PLCB1: variants seen among roughly 807,000 people sequenced by gnomAD.
PLCB1 encodes 1-phosphatidylinositol 4,5-bisphosphate phosphodiesterase beta-1.
In PLCB1, 46 loss-of-function variants were observed where a neutral mutation model predicts 161.8. The observed-to-expected ratio is 0.28, with a 90% CI of 0.22 to 0.36. PLCB1 has a LOEUF of 0.36. Among genes scored for constraint, PLCB1 ranks in the 10% least tolerant of loss-of-function variants. PLCB1 has a pLI of 1.00. For missense variants in PLCB1, 1,016 were observed against 1,472.5 expected (o/e 0.69, Z 5.07); for synonymous variants, 517 against 503.7 (o/e 1.03, Z -0.35).
chr20:8,445,591 T>A (rs1181465842), intron 3 of PLCB1, among the ~76,000 whole-genome samples: 2 of 152,170 alleles, frequency 1.3e-5, no homozygotes, highest in Non-Finnish European at 1.5e-5. Flanking sequence ...AAGAAAGTCA[T>A]TGGTAGCTTT....
chr20:8,444,244 GT>G (rs1382944637), intron 3 of PLCB1, among the ~76,000 whole-genome samples: 2 of 149,146 alleles, frequency 1.3e-5, no homozygotes, highest in African/African-American at 5.0e-5. Context: ...CTGTCTCCAA[GT>G]TTTCTCATTG....
chr20:8,289,894 T>A (rs552879639), intron 2 of PLCB1, among the ~76,000 whole-genome samples: 2 of 152,342 alleles, frequency 1.3e-5, no homozygotes, highest in East Asian at 3.9e-4. Context: ...TGAGTGCCAG[T>A]GCCTAATAGA....
intron 2 of PLCB1, among the ~76,000 whole-genome samples, chr20:8,229,767 T>C (rs1486214388): frequency 6.8e-6 from 1 of 146,862 alleles, no homozygotes; most frequent in Non-Finnish European, 1.5e-5. Context: ...ATACCTGTAA[T>C]CCCAGTACTT....
At chr20:8,444,663 C>CTAGTAATGTA (rs1445496784) in intron 3 of PLCB1, among the ~76,000 whole-genome samples, 1 of 152,180 alleles carries the variant, frequency 6.6e-6, no homozygotes, top group East Asian at 1.9e-4. Context: ...ACAGTCCCAC[C>CTAGTAATGTA]AACAATGTAA....
At chr20:8,228,184 GATAAA>G (rs1013910532) in intron 2 of PLCB1, among the ~76,000 whole-genome samples, 1 of 151,702 alleles carries the variant, frequency 6.6e-6, no homozygotes, top group Non-Finnish European at 1.5e-5. Context: ...AATAAGATAA[GATAAA>G]ATAAAATAAT....
chr20:8,424,922 C>T (rs1027267032), intron 3 of PLCB1, among the ~76,000 whole-genome samples: 1 of 152,106 alleles, frequency 6.6e-6, no homozygotes, highest in African/African-American at 2.4e-5. Context: ...GGCCCAAATA[C>T]AGAATCTTCT....
intron 20 of PLCB1, 80 bp downstream of exon 20, chr20:8,737,272 T>A: frequency 8.5e-7 from 1 of 1,171,664 alleles, no homozygotes; most frequent in Non-Finnish European, 1.2e-6. Flanking sequence ...AATGGTGAAT[T>A]ATTTGTTATT....
At chr20:8,860,745 A>C (rs1310354653) in intron 31 of PLCB1, among the ~76,000 whole-genome samples, 1 of 152,244 alleles carries the variant, frequency 6.6e-6, no homozygotes, top group Non-Finnish European at 1.5e-5. Flanking sequence ...GTGTTTCTTG[A>C]ATTATGAGCT....
intron 3 of PLCB1, among the ~76,000 whole-genome samples, chr20:8,447,034 A>G (rs1256187243): frequency 6.6e-6 from 1 of 152,204 alleles, no homozygotes; most frequent in Non-Finnish European, 1.5e-5. Flanking sequence ...AATCTTAAGT[A>G]TGTGTGTATA....
chr20:8,268,653 G>A (rs527442027), intron 2 of PLCB1, among the ~76,000 whole-genome samples: 5 of 152,194 alleles, frequency 3.3e-5, no homozygotes, highest in East Asian at 3.9e-4. Flanking sequence ...TTTAATGATC[G>A]CCATTCTAAC....
intron 3 of PLCB1, among the ~76,000 whole-genome samples, chr20:8,524,766 G>A (rs1163912860): frequency 6.6e-6 from 1 of 152,168 alleles, no homozygotes; most frequent in Non-Finnish European, 1.5e-5. Flanking sequence ...AAAAGTGGCA[G>A]TGCTGTCTAA....
intron 31 of PLCB1, among the ~76,000 whole-genome samples, chr20:8,814,760 C>T (rs949700140): frequency 7.9e-5 from 12 of 152,174 alleles, no homozygotes; most frequent in Non-Finnish European, 1.3e-4. Context: ...TCCTCTTACT[C>T]TCTTTGCATT....
At chr20:8,501,429 A>G (rs1484892673) in intron 3 of PLCB1, among the ~76,000 whole-genome samples, 1 of 152,186 alleles carries the variant, frequency 6.6e-6, no homozygotes, top group Non-Finnish European at 1.5e-5. Context: ...TGCCCTTTTC[A>G]TTGAAAGCAG....
chr20:8,321,478 T>A (rs1002848149), intron 2 of PLCB1, among the ~76,000 whole-genome samples: 2 of 152,172 alleles, frequency 1.3e-5, no homozygotes, highest in Non-Finnish European at 2.9e-5. Flanking sequence ...AAATAAGCAT[T>A]CTTCCTGCCC....
intron 2 of PLCB1, among the ~76,000 whole-genome samples, chr20:8,304,852 C>T (rs922344774): frequency 1.3e-5 from 2 of 152,084 alleles, no homozygotes; most frequent in African/African-American, 4.8e-5. Context: ...AACTTGCTCA[C>T]CAGGATCTGA....
chr20:8,572,534 T>C (rs954366464), intron 3 of PLCB1, among the ~76,000 whole-genome samples: 3 of 152,228 alleles, frequency 2.0e-5, no homozygotes, highest in Non-Finnish European at 4.4e-5. Context: ...ACTTTTATCA[T>C]GTAGTTGGTT....
chr20:8,717,955 C>A (rs1600273083), intron 14 of PLCB1, 107 bp downstream of exon 14: 1 of 976,252 alleles, frequency 1.0e-6, no homozygotes, highest in East Asian at 2.8e-5. Flanking sequence ...CTTTTGGAGG[C>A]TGAGGCAGGT....
chr20:8,220,491 A>G (rs1488273323), intron 2 of PLCB1, among the ~76,000 whole-genome samples: 1 of 152,164 alleles, frequency 6.6e-6, no homozygotes, highest in Non-Finnish European at 1.5e-5. Context: ...AGTGGACCCA[A>G]AATCCTATGT....
intron 3 of PLCB1, among the ~76,000 whole-genome samples, chr20:8,494,277 T>A (rs1568698247): frequency 6.6e-6 from 1 of 152,240 alleles, no homozygotes; most frequent in African/African-American, 2.4e-5. Context: ...TTTTCACTTC[T>A]TTTTCTCTAG....
Sources: gnomAD v4.1 joint callset for allele counts (sites outside exome capture counted in the v4.1 genomes callset) on GRCh38, gnomAD v4.1.1 for gene constraint, MANE v1.5 for transcripts, NCBI Gene and HGNC (gene_info 2026-07-23, HGNC 2026-07-21) for gene names.